Variants in RASGEF1C observed in about 807,000 individuals in gnomAD.
RASGEF1C encodes RasGEF domain family member 1C, also known as ras-GEF domain-containing family member 1C.
In RASGEF1C, 27 loss-of-function variants were observed where a neutral mutation model predicts 58.1. That is an observed-to-expected ratio of 0.46 (90% CI 0.34 to 0.64). The LOEUF is 0.64. Ranked by LOEUF, RASGEF1C falls within the 30% of genes least tolerant of loss-of-function variation. RASGEF1C has a pLI of 0.01. For missense variants in RASGEF1C, 502 were observed against 605.1 expected (o/e 0.83, Z 1.79); for synonymous variants, 243 against 246.3 (o/e 0.99, Z 0.13).
intron 1 of RASGEF1C, among the ~76,000 whole-genome samples, chr5:180,152,834 C>T (rs1766784946): frequency 6.6e-6 from 1 of 150,938 alleles, no homozygotes; most frequent in Admixed American, 6.6e-5. Flanking sequence ...CTGCTTGAAC[C>T]CGAGAGGCGG....
chr5:180,143,733 A>G lies in RASGEF1C; in HGVS notation c.-6-5675T>C, dbSNP rs369287795. 7.2e-5 allele frequency among the ~76,000 whole-genome samples: 11 copies of G among 152,228 alleles called. No individual in the cohort carries two copies. The highest frequency in any genetic ancestry group is 2.4e-4 in the African/African-American group (10 of 41,468). ...CCACACAGTGAGTTAAAGCACAGTTAGAAATGACATCTGTAGTGCCAAGGT... is the reference window on the plus strand; with the variant it reads ...CCACACAGTGAGTTAAAGCACAGTTGGAAATGACATCTGTAGTGCCAAGGT... On this transcript the variant is annotated intron_variant, in intron 1 of 13. Transcript: ENST00000361132. This position sits in a 1 kb window ranked among gnomAD's most constrained non-coding sequence, Gnocchi z 4.3.
intron 12 of RASGEF1C, among the ~76,000 whole-genome samples, chr5:180,106,785 G>A (rs1405925085): frequency 6.6e-6 from 1 of 152,162 alleles, no homozygotes; most frequent in African/African-American, 2.4e-5. Context: ...TTAGATTCCT[G>A]TTGTTTGATG....
intron 1 of RASGEF1C, among the ~76,000 whole-genome samples, chr5:180,169,942 T>C (rs1213361847): frequency 6.6e-6 from 1 of 152,254 alleles, no homozygotes; most frequent in East Asian, 1.9e-4. Context: ...GGCTTCTGCC[T>C]GCCCCTCCCT....
intron 1 of RASGEF1C, among the ~76,000 whole-genome samples, chr5:180,167,193 C>T (rs747018926): frequency 3.3e-5 from 5 of 152,170 alleles, no homozygotes; most frequent in Non-Finnish European, 5.9e-5. Flanking sequence ...CCTTCTGAGA[C>T]TCTAGTGACA....
intron 1 of RASGEF1C, among the ~76,000 whole-genome samples, chr5:180,165,886 A>T (rs900201912): frequency 4.7e-5 from 7 of 149,170 alleles, no homozygotes; most frequent in Non-Finnish European, 7.4e-5. Flanking sequence ...AGTAGCTGGG[A>T]CTACAGGCAC....
At chr5:180,166,100 C>T (rs1767017757) in intron 1 of RASGEF1C, among the ~76,000 whole-genome samples, 1 of 152,168 alleles carries the variant, frequency 6.6e-6, no homozygotes, top group African/African-American at 2.4e-5. Flanking sequence ...CTAGAGATTA[C>T]AGCATATATA....
At chr5:180,136,762 G>A in intron 3 of RASGEF1C, 2 of 548,682 alleles carry the variant, frequency 3.6e-6, no homozygotes, top group East Asian at 6.3e-5. Flanking sequence ...ATCCTCCCTG[G>A]TGAGTCTTCG....
chr5:180,108,543 C>G (rs1436753282), intron 12 of RASGEF1C, among the ~76,000 whole-genome samples: 1 of 152,098 alleles, frequency 6.6e-6, no homozygotes, highest in African/African-American at 2.4e-5. Flanking sequence ...TGTATAATTT[C>G]TATTGTTCCA....
At chr5:180,204,709 G>GA (rs1454713376) in intron 1 of RASGEF1C, among the ~76,000 whole-genome samples, 2 of 151,942 alleles carry the variant, frequency 1.3e-5, no homozygotes, top group African/African-American at 4.8e-5. Flanking sequence ...CTTAATAGGG[G>GA]AAGTATTAGA....
intron 1 of RASGEF1C, among the ~76,000 whole-genome samples, chr5:180,149,019 T>G (rs1020530491): frequency 6.6e-6 from 1 of 152,190 alleles, no homozygotes; most frequent in Non-Finnish European, 1.5e-5. Context: ...TTTCAGCATT[T>G]TGAATACATC....
Position 180,143,927 on chromosome 5 carries a change from G to C in RASGEF1C, c.-6-5869C>G, listed in dbSNP as rs1766624582. ...GGGATGTTCTCCCTGGGCCAGGTGT[G>C]GCAGAAGGGACAGAGGTAAAGAAGG... is the stretch of plus-strand genomic sequence containing the variant. On this transcript the variant is annotated intron_variant, in intron 1 of 13. Coordinates refer to ENST00000361132, the MANE Select transcript of RASGEF1C (RefSeq NM_175062.4). The surrounding 1 kb of genome is among the most constrained non-coding windows in gnomAD (Gnocchi z 4.3). 6.6e-6 allele frequency among the ~76,000 whole-genome samples: 1 copy of C among 152,192 alleles called. No individual in the cohort carries two copies. Among genetic ancestry groups the C allele is most frequent in the African/African-American group, 2.4e-5 (1 of 41,452 alleles).
intron 12 of RASGEF1C, among the ~76,000 whole-genome samples, chr5:180,109,470 T>A (rs534796360): frequency 2.8e-4 from 42 of 151,934 alleles, no homozygotes; most frequent in South Asian, 1.7e-3. Flanking sequence ...AAAAAAATAA[T>A]AATAATAATT....
chr5:180,205,825 C>T, intron 1 of RASGEF1C, among the ~76,000 whole-genome samples: 1 of 151,968 alleles, frequency 6.6e-6, no homozygotes, highest in East Asian at 1.9e-4. Flanking sequence ...ATCTGCCTCC[C>T]AGGTTCAGGC....
At position 180,107,599 on chromosome 5, in the gene RASGEF1C, A is replaced by T. The variant is rs555506602; in HGVS notation, c.1303+3858T>A. ...CAGTGTTTTTAATATTTAAAAAAAA[A>T]TTTATTTTTTAATTATTTTTTTTCT... On this transcript the variant is annotated intron_variant, in intron 12 of 13. Coordinates refer to ENST00000361132, the MANE Select transcript of RASGEF1C (RefSeq NM_175062.4). 3.0e-4 allele frequency among the ~76,000 whole-genome samples: 45 copies of T among 152,204 alleles called. No individual in the cohort carries two copies. The South Asian group carries it at 6.4e-3, about 22-fold the overall frequency.
intron 6 of RASGEF1C, among the ~76,000 whole-genome samples, chr5:180,122,317 G>A (rs1158344620): frequency 6.6e-6 from 1 of 152,128 alleles, no homozygotes; most frequent in Non-Finnish European, 1.5e-5. Context: ...CCCATGCCTT[G>A]CTATGCGAAC....
At chr5:180,133,574 C>T (rs530458384) in intron 4 of RASGEF1C, among the ~76,000 whole-genome samples, 33 of 152,106 alleles carry the variant, frequency 2.2e-4, no homozygotes, top group Non-Finnish European at 3.7e-4. Flanking sequence ...CACTTTCTAT[C>T]ATTTTATTCC....
chr5:180,139,403 C>T (rs539647629), intron 1 of RASGEF1C, among the ~76,000 whole-genome samples: 2 of 152,324 alleles, frequency 1.3e-5, no homozygotes, highest in East Asian at 3.9e-4. Context: ...TTCTCCTTTG[C>T]AGCACTCTGA....
chr5:180,149,798 C>G (rs557079500), intron 1 of RASGEF1C, among the ~76,000 whole-genome samples: 5 of 152,186 alleles, frequency 3.3e-5, no homozygotes, highest in Non-Finnish European at 7.3e-5. Context: ...TTGCTGCTCT[C>G]AATATTCTCT....
chr5:180,175,231 C>A (rs1024177042), intron 1 of RASGEF1C, among the ~76,000 whole-genome samples: 1 of 152,226 alleles, frequency 6.6e-6, no homozygotes, highest in Non-Finnish European at 1.5e-5. Flanking sequence ...GTTGGAGCCC[C>A]CCCAGCGCCG....
Sources: allele counts gnomAD v4.1 joint callset (sites outside exome capture counted in the v4.1 genomes callset), GRCh38; gene constraint gnomAD v4.1.1; non-coding constraint Gnocchi (gnomAD v3.1); transcripts MANE v1.5; gene names NCBI Gene and HGNC (gene_info 2026-07-23, HGNC 2026-07-21).